The following SLA variants were observed in gnomAD, a reference collection of about 807,000 sequenced individuals.
SLA encodes Src like adaptor, also known as src-like-adapter.
In SLA, 16 loss-of-function variants were observed where a neutral mutation model predicts 30.3. The ratio of observed to expected loss-of-function variants is 0.53; its 90% CI spans 0.36 to 0.80. SLA has a LOEUF of 0.80. SLA is among the 30% of genes least tolerant of loss of function. The probability of loss-of-function intolerance (pLI) is 0.01; values close to 1 mark genes in which losing one functional copy is unlikely to be tolerated. For synonymous variants in SLA, 143 were observed against 137.8 expected, an observed-to-expected ratio of 1.04 and a Z score of -0.26; for missense variants, 310 against 345.2, an observed-to-expected ratio of 0.90 and a Z score of 0.81.
rs920292286 is a variant in SLA, at chr8:133,045,071, G to A, written c.397C>T (p.Arg133Cys). The A allele has an allele frequency of 6.2e-6, 10 of 1,614,020 alleles. No individual in the cohort carries two copies. The highest frequency in any genetic ancestry group is 7.6e-6 in the Non-Finnish European group (9 of 1,179,996). Residue 133 changes from arginine (R) to cysteine (C), a missense_variant, in exon 7 of 9, where the codon CGC becomes TGC. Coordinates refer to ENST00000338087, the MANE Select transcript of SLA (RefSeq NM_001045556.3). Reference sequence around the variant, plus strand: ...CAGTTGTTGGGCAGACGGAAAATGCGGTAATGCTTTACCTGCCTGTGTCTC... The same window carrying A: ...CAGTTGTTGGGCAGACGGAAAATGCAGTAATGCTTTACCTGCCTGTGTCTC... ...SVRHRQVKHY[R>C]IFRLPNNWYY...
intron 1 of SLA, among the ~76,000 whole-genome samples, chr8:133,090,827 T>C (rs1021566437): frequency 2.6e-5 from 4 of 152,172 alleles, no homozygotes; most frequent in African/African-American, 4.8e-5. Context: ...CCAGTCTATC[T>C]GGAACAAGAG....
At chr8:133,065,125 C>T (rs1025043266) in intron 2 of SLA, among the ~76,000 whole-genome samples, 1 of 152,156 alleles carries the variant, frequency 6.6e-6, no homozygotes, top group African/African-American at 2.4e-5. Context: ...AGTGGAGAAG[C>T]CTCAATGTCC....
chr8:133,091,925 C>CTG (rs150968624), intron 1 of SLA, among the ~76,000 whole-genome samples: 42 of 151,130 alleles, frequency 2.8e-4, no homozygotes, highest in African/African-American at 6.8e-4. Flanking sequence ...GTGGCTACGT[C>CTG]TGTGTGTGTG....
At chr8:133,099,197 C>T (rs185243983) in intron 1 of SLA, among the ~76,000 whole-genome samples, 1 of 152,362 alleles carries the variant, frequency 6.6e-6, no homozygotes, top group East Asian at 1.9e-4. Flanking sequence ...GCTGCTAGCC[C>T]TGCTCCATGG....
At chr8:133,085,376 A>C (rs1001198720) in intron 1 of SLA, among the ~76,000 whole-genome samples, 2 of 152,252 alleles carry the variant, frequency 1.3e-5, no homozygotes, top group Non-Finnish European at 2.9e-5. Context: ...AATTTAAAAA[A>C]TTCTGTGCTC....
At chr8:133,043,146 C>T (rs1044459209) in intron 7 of SLA, among the ~76,000 whole-genome samples, 10 of 152,092 alleles carry the variant, frequency 6.6e-5, no homozygotes, top group Non-Finnish European at 1.2e-4. Context: ...TTGAGTGGTT[C>T]GATGACCAGG....
At chr8:133,068,384 A>T (rs1456908331) in intron 2 of SLA, among the ~76,000 whole-genome samples, 1 of 152,200 alleles carries the variant, frequency 6.6e-6, no homozygotes, top group Non-Finnish European at 1.5e-5. Context: ...TTATGCTAAG[A>T]CCAGAAGGGG....
At chr8:133,044,170 G>A (rs1483131402) in intron 7 of SLA, among the ~76,000 whole-genome samples, 1 of 152,154 alleles carries the variant, frequency 6.6e-6, no homozygotes, top group East Asian at 1.9e-4. Flanking sequence ...GTGGGTTTTT[G>A]GAAATGTAGC....
chr8:133,102,460 T>C, intron 1 of SLA, 93 bp downstream of exon 1: 1 of 1,133,796 alleles, frequency 8.8e-7, no homozygotes, highest in Non-Finnish European at 1.3e-6. Flanking sequence ...ACAGGATCCA[T>C]CAAGTCCCTC....
chr8:133,054,355 A>G (rs1053246785), intron 3 of SLA, among the ~76,000 whole-genome samples: 2 of 152,112 alleles, frequency 1.3e-5, no homozygotes, highest in South Asian at 2.1e-4. Flanking sequence ...CGGGAAAGAG[A>G]ATGGGGCTTT....
intron 1 of SLA, chr8:133,094,783 G>T: frequency 3.6e-6 from 2 of 554,770 alleles, no homozygotes; most frequent in Non-Finnish European, 6.5e-6. Context: ...GCACAGCCAA[G>T]ACTGAAGGTT....
intron 2 of SLA, among the ~76,000 whole-genome samples, chr8:133,071,501 T>G (rs527665212): frequency 6.6e-6 from 1 of 152,196 alleles, no homozygotes; most frequent in Non-Finnish European, 1.5e-5. Flanking sequence ...TCATAGTTAT[T>G]CAGTAGGTGG....
Position 133,074,886 on chromosome 8 carries a change from G to A in SLA, c.-74C>T. The A allele has an allele frequency of 1.0e-6, 1 of 985,544 alleles. No individual in the cohort carries two copies. The highest frequency in any genetic ancestry group is 6.1e-5 in the Admixed American group (1 of 16,292). 61.0% of individuals were successfully genotyped at this position (985,544 alleles called of 1,614,324 possible). ...ACTGGGCATGACTCCTGTGGGAGCTGTCTGCAGAGGGATTGCTGGGTGCAG... is the reference window on the plus strand; with the variant it reads ...ACTGGGCATGACTCCTGTGGGAGCTATCTGCAGAGGGATTGCTGGGTGCAG... On this transcript the variant is annotated 5_prime_UTR_variant, in exon 2 of 9. Transcript: ENST00000338087.
intron 4 of SLA, 133 bp downstream of exon 4, chr8:133,050,683 C>G: frequency 1.5e-6 from 1 of 647,844 alleles, no homozygotes; most frequent in Middle Eastern, 2.5e-4. Context: ...CAGTATGGGT[C>G]AAATTTCTCA....
At position 133,069,807 on chromosome 8, in the gene SLA, C is replaced by T. The variant is rs531711649; in HGVS notation, c.-41+5046G>A. 7.9e-5 allele frequency among the ~76,000 whole-genome samples: 12 copies of T among 151,924 alleles called. No individual in the cohort carries two copies. In the South Asian group the frequency reaches 2.1e-3, roughly 26 times the overall value. ...TTTGAGGTCAGGAGTTCAAGACCAG[C>T]CCGGCCAACATGGCAAAAATCTCAT... On this transcript the variant is annotated intron_variant, in intron 2 of 8. Coordinates refer to ENST00000338087, the MANE Select transcript of SLA (RefSeq NM_001045556.3).
intron 2 of SLA, among the ~76,000 whole-genome samples, chr8:133,065,885 T>C (rs1257608653): frequency 1.3e-5 from 2 of 152,148 alleles, no homozygotes; most frequent in Admixed American, 1.3e-4. Context: ...CTGAGGGATC[T>C]CTTGGATGTC....
intron 3 of SLA, among the ~76,000 whole-genome samples, chr8:133,057,974 T>A (rs542220658): frequency 3.6e-4 from 55 of 152,148 alleles, no homozygotes; most frequent in African/African-American, 9.9e-4. Flanking sequence ...GAAGCTAATG[T>A]GGGAGCTGGC....
intron 2 of SLA, among the ~76,000 whole-genome samples, chr8:133,068,328 C>A (rs1178945904): frequency 6.6e-6 from 1 of 152,200 alleles, no homozygotes; most frequent in African/African-American, 2.4e-5. Flanking sequence ...CTTGAGTGCC[C>A]AGGAGGGGAT....
chr8:133,078,740 T>C (rs57571071), intron 1 of SLA, among the ~76,000 whole-genome samples: 3,715 of 152,266 alleles, frequency 0.024, 155 homozygotes, highest in African/African-American at 0.085. Flanking sequence ...ACAATGTTCA[T>C]TACGTATTTG....
Sources: gnomAD v4.1 joint callset for allele counts (sites outside exome capture counted in the v4.1 genomes callset) on GRCh38, gnomAD v4.1.1 for gene constraint, MANE v1.5 for transcripts, NCBI Gene and HGNC (gene_info 2026-07-23, HGNC 2026-07-21) for gene names.